Variants in MISP observed in about 807,000 individuals in gnomAD.
MISP encodes the protein mitotic interactor and substrate of PLK1.
A neutral mutation model predicts 49.3 loss-of-function variants in MISP; 51 were observed. The observed-to-expected ratio is 1.03, with a 90% CI of 0.83 to 1.31. The LOEUF is 1.31. Ranked by LOEUF, MISP falls within the 50% of genes most tolerant of loss-of-function variation. MISP has a pLI of 0.00. For synonymous variants in MISP, 444 were observed against 392.6 expected (o/e 1.13, Z -1.55); for missense variants, 1,084 against 935.1 (o/e 1.16, Z -2.08).
chr19:759,830 G>A (rs772984192), intron 2 of MISP, 79 bp from the exon 3 acceptor site: 24 of 1,543,958 alleles, frequency 1.6e-5, no homozygotes, highest in South Asian at 1.5e-4. Flanking sequence ...TGTCTCCTTA[G>A]CTGCTGGCTA....
chr19:762,113 AT>A (rs34855086), intron 4 of MISP, among the ~76,000 whole-genome samples: 69,722 of 141,996 alleles, frequency 0.49, 16,894 homozygotes, highest in East Asian at 0.61. Context: ...ACGCCCGGCT[AT>A]TTTTTTTTTT....
chr19:761,112 T>A (rs1276354536), intron 3 of MISP, among the ~76,000 whole-genome samples: 3 of 119,942 alleles, frequency 2.5e-5, no homozygotes, highest in African/African-American at 9.7e-5. Flanking sequence ...TTTTTTGAGA[T>A]GGAGTCTCGC....
intron 1 of MISP, among the ~76,000 whole-genome samples, chr19:753,338 C>T (rs1412032485): frequency 6.6e-6 from 1 of 152,068 alleles, no homozygotes; most frequent in Non-Finnish European, 1.5e-5. Flanking sequence ...CTGTTTGATG[C>T]CACTTTCCAG....
At chr19:749,755 G>A (rs2033430443), upstream of MISP, among the ~76,000 whole-genome samples, 1 of 151,970 alleles carries the variant, frequency 6.6e-6, no homozygotes, top group Admixed American at 6.6e-5. Flanking sequence ...GCTTGAACAG[G>A]GGAGGTTGCC....
rs769454588 is a variant in MISP, at chr19:757,381, C to T, written c.435C>T (p.Ala145=). ...RLCDLERERW[A]VIQGQAVRKS... is the part of the protein sequence containing the mutation. ...GTGACCTGGAGCGGGAGCGCTGGGC[C>T]GTCATCCAGGGCCAGGCAGTCAGGA... Residue 145 remains alanine (A), a synonymous_variant, in exon 2 of 5, where the codon GCC becomes GCT. Transcript: ENST00000215582. 7 of 1,611,286 alleles carry T rather than the reference C, an allele frequency of 4.3e-6. No homozygotes were observed. Among genetic ancestry groups the T allele is most frequent in the East Asian group, 4.5e-5 (2 of 44,754 alleles).
intron 2 of MISP, among the ~76,000 whole-genome samples, chr19:759,145 T>C (rs548345230): frequency 7.8e-4 from 118 of 152,052 alleles, no homozygotes; most frequent in African/African-American, 2.7e-3. Context: ...TGCCTCAGCC[T>C]CCTGAGTAGC....
intron 4 of MISP, among the ~76,000 whole-genome samples, chr19:763,033 T>C (rs1353925669): frequency 1.8e-4 from 28 of 152,266 alleles, no homozygotes. Context: ...CTCACGCCTG[T>C]AATCTCAGCA....
At chr19:750,882 G>A (rs909770140), upstream of MISP, among the ~76,000 whole-genome samples, 5 of 152,186 alleles carry the variant, frequency 3.3e-5, no homozygotes, top group African/African-American at 1.2e-4. Flanking sequence ...GGGAGGTTTC[G>A]GCTGAGTTCT....
rs750197082 is a variant in MISP, at chr19:758,628, T to C, written c.1682T>C (p.Val561Ala). Reference protein sequence around the residue: ...RESVLRREQEVAEERRNALFP... With the variant: ...RESVLRREQEAAEERRNALFP... Reference sequence around the variant, plus strand: ...AGTGTCCTGCGCCGGGAGCAAGAGGTGGCAGAGGAGCGGAGAAATGCTCTC... The same window carrying C: ...AGTGTCCTGCGCCGGGAGCAAGAGGCGGCAGAGGAGCGGAGAAATGCTCTC... Residue 561 changes from valine (V) to alanine (A), a missense_variant, in exon 2 of 5, where the codon GTG becomes GCG. Physicochemically the swap from Val to Ala is moderately conservative, Grantham distance 64. Transcript: ENST00000215582. The C allele has an allele frequency of 3.2e-5, 51 of 1,614,056 alleles. No homozygotes were observed. The highest frequency in any genetic ancestry group is 4.3e-5 in the Non-Finnish European group (51 of 1,180,028).
intron 1 of MISP, 34 bp from the exon 2 acceptor site, chr19:756,856 A>T: frequency 9.0e-7 from 1 of 1,115,482 alleles, no homozygotes; most frequent in Non-Finnish European, 1.3e-6. Context: ...AGGTGCTCTG[A>T]CTTGATGGCC....
chr19:759,737 G>A (rs77900956), intron 2 of MISP, among the ~76,000 whole-genome samples, 172 bp from the exon 3 acceptor site: 3,003 of 152,224 alleles, frequency 0.02, 137 homozygotes, highest in African/African-American at 0.069. Context: ...CGGCCCATCT[G>A]TGCATCCAGT....
intron 2 of MISP, among the ~76,000 whole-genome samples, chr19:759,651 C>T (rs985699695): frequency 2.3e-4 from 34 of 151,034 alleles, no homozygotes; most frequent in Admixed American, 3.3e-4. Context: ...CCACCCACCT[C>T]GGCCTCCCAA....
rs34363064 is a variant in MISP, at chr19:760,364, C to CTTTTT, written c.1911+340_1911+344dup. 6.9e-5 allele frequency: 9 copies of CTTTTT among 129,738 alleles called. No individual in the cohort carries two copies. In the East Asian group the frequency reaches 9.8e-4, roughly 14 times the overall value. 8.0% of individuals were successfully genotyped at this position (129,738 alleles called of 1,614,324 possible). On this transcript the variant is annotated intron_variant, in intron 3 of 4. Transcript: ENST00000215582. ...TTGTCATCGTCACCAGCATTAGTTT[C>CTTTTT]TTTTTTTTTTTTTTTTTTTGAGACG...
chr19:758,128 C>T lies in MISP; in HGVS notation c.1182C>T (p.Ser394=), dbSNP rs777417849. The part of the protein sequence containing the change: ...GPQPGLRRAL[S]SDSILSPAPD... ...AGCCCGGACTCCGGAGAGCCCTCAGCTCAGATTCCATCCTCAGCCCGGCCC... is the reference window on the plus strand; with the variant it reads ...AGCCCGGACTCCGGAGAGCCCTCAGTTCAGATTCCATCCTCAGCCCGGCCC... Residue 394 remains serine (S), a synonymous_variant, in exon 2 of 5, where the codon AGC becomes AGT. Coordinates refer to ENST00000215582, the MANE Select transcript of MISP (RefSeq NM_173481.4). 35 of 1,609,986 alleles carry T rather than the reference C, an allele frequency of 2.2e-5. No individual in the cohort carries two copies. The Admixed American group carries it at 5.5e-4, about 25-fold the overall frequency.
rs2033586613 is a variant in MISP at position 757,779 on chromosome 19, C to A, written c.833C>A (p.Ser278Tyr). 9.3e-6 allele frequency: 15 copies of A among 1,613,166 alleles called. No homozygotes were observed. Among genetic ancestry groups the A allele is most frequent in the Non-Finnish European group, 1.3e-5 (15 of 1,179,506 alleles). Reference sequence around the variant, plus strand: ...GTCCAAGTTGTGGATGACCCTGGCTCCTTGGCCTCAGTGGAGTCCCCGGGG... The same window carrying A: ...GTCCAAGTTGTGGATGACCCTGGCTACTTGGCCTCAGTGGAGTCCCCGGGG... ...ASVQVVDDPG[S>Y]LASVESPGTP... The change falls in exon 2 of 5, where the codon TCC becomes TAC. Residue 278 changes from serine (S) to tyrosine (Y), a missense_variant. Transcript: ENST00000215582.
chr19:760,903 C>T (rs2033662880), intron 3 of MISP, among the ~76,000 whole-genome samples: 1 of 151,958 alleles, frequency 6.6e-6, no homozygotes, highest in Non-Finnish European at 1.5e-5. Flanking sequence ...CCAGGACCTA[C>T]AGGCCACAGA....
rs758494278 is a variant in MISP at position 757,893 on chromosome 19, C to A, written c.947C>A (p.Ala316Glu). ...CGAGAGCAGAGGGGGCTTCGGCAGGCAACCGACCACCAGGAGCTGGTGGAA... is the reference window on the plus strand; with the variant it reads ...CGAGAGCAGAGGGGGCTTCGGCAGGAAACCGACCACCAGGAGCTGGTGGAA... ...DLREQRGLRQATDHQELVEIP... is the reference protein window; with the variant it reads ...DLREQRGLRQETDHQELVEIP... Residue 316 changes from alanine to glutamate, a missense_variant, in exon 2 of 5, where the codon GCA (alanine) becomes GAA (glutamate). Physicochemically the swap from Ala to Glu is moderately radical, Grantham distance 107. Transcript: ENST00000215582. 1 of 1,605,302 alleles carries A rather than the reference C, an allele frequency of 6.2e-7. No homozygotes were observed. Among genetic ancestry groups the A allele is most frequent in the Non-Finnish European group, 8.5e-7 (1 of 1,179,702 alleles).
At position 759,790 on chromosome 19, in the gene MISP, A is replaced by C. The variant is rs1254209366; in HGVS notation, c.1781-119A>C. The C allele has an allele frequency of 1.3e-5, 15 of 1,174,984 alleles. No homozygotes were observed. The South Asian group carries it at 2.3e-4, about 18-fold the overall frequency. The allele number at this position is 1,174,984 out of a possible 1,614,324, so 72.8% of individuals were successfully genotyped here. A position where few individuals can be genotyped will look rare whatever the true frequency, so the allele number is the denominator to read the frequency against. ...TTTGGTCAATCTGTCAGTTTCCCGG[A>C]TAGTCATCTGCTCTGTCTGTCCATA... On this transcript the variant is annotated intron_variant, in intron 2 of 4. Coordinates refer to ENST00000215582, the MANE Select transcript of MISP (RefSeq NM_173481.4).
intron 3 of MISP, 142 bp downstream of exon 3, chr19:760,181 G>A: frequency 1.1e-6 from 1 of 882,340 alleles, no homozygotes; most frequent in Non-Finnish European, 1.7e-6. Flanking sequence ...GTCTCCTGCA[G>A]ATGTCAGGTA....
Sources: allele counts gnomAD v4.1 joint callset (sites outside exome capture counted in the v4.1 genomes callset), GRCh38; gene constraint gnomAD v4.1.1; transcripts MANE v1.5; gene names NCBI Gene and HGNC (gene_info 2026-07-23, HGNC 2026-07-21).